Variants in PDE1C observed in about 807,000 individuals in gnomAD.
PDE1C encodes the protein dual specificity calcium/calmodulin-dependent 3',5'-cyclic nucleotide phosphodiesterase 1C.
In PDE1C, 62 loss-of-function variants were observed where a neutral mutation model predicts 93.1. The ratio of observed to expected loss-of-function variants is 0.67; its 90% CI spans 0.54 to 0.82. The LOEUF (loss-of-function observed/expected upper bound fraction) is 0.82. Among genes scored for constraint, PDE1C ranks in the 40% least tolerant of loss-of-function variants. The pLI is 0.00. For synonymous variants in PDE1C, 325 were observed against 310.1 expected (o/e 1.05, Z -0.50); for missense variants, 742 against 884.6 (o/e 0.84, Z 2.04).
At chr7:31,762,566 CT>C (rs1038978816) in intron 17 of PDE1C, among the ~76,000 whole-genome samples, 13 of 152,144 alleles carry the variant, frequency 8.5e-5, no homozygotes, top group African/African-American at 3.1e-4. Flanking sequence ...TCTCGAACTC[CT>C]GACCTCAAGT....
intron 16 of PDE1C, among the ~76,000 whole-genome samples, chr7:31,782,218 A>G (rs1241216192): frequency 6.6e-6 from 1 of 152,232 alleles, no homozygotes; most frequent in African/African-American, 2.4e-5. Context: ...AAGTTAAAAA[A>G]ACACTCACAA....
At chr7:31,974,589 C>G (rs1008794539) in intron 2 of PDE1C, among the ~76,000 whole-genome samples, 1 of 143,272 alleles carries the variant, frequency 7.0e-6, no homozygotes, top group East Asian at 2.4e-4. Context: ...CATACTGGTA[C>G]AAACTGAGTG....
chr7:32,342,835 A>C (rs2128080578), intron 1 of PDE1C, among the ~76,000 whole-genome samples: 1 of 152,298 alleles, frequency 6.6e-6, no homozygotes, highest in South Asian at 2.1e-4. Flanking sequence ...AAAACCCCAA[A>C]GTATTAGCTT....
chr7:31,807,690 G>C (rs751444196), intron 16 of PDE1C, among the ~76,000 whole-genome samples: 1 of 151,938 alleles, frequency 6.6e-6, no homozygotes, highest in Non-Finnish European at 1.5e-5. Context: ...TCTGGGTTCT[G>C]GGTTTGAAGT....
At chr7:31,643,549 G>A in the PDE1C span, 1 of 1,614,028 alleles carries the variant, frequency 6.2e-7, no homozygotes, top group Non-Finnish European at 8.5e-7. Context: ...TGTGGCCTTG[G>A]GGACTGGTCC....
At chr7:32,157,266 C>T (rs971846669) in intron 3 of PDE1C, among the ~76,000 whole-genome samples, 7 of 152,024 alleles carry the variant, frequency 4.6e-5, no homozygotes, top group African/African-American at 1.2e-4. Context: ...TTCTAGTATT[C>T]GATAGTACAA....
the PDE1C span, among the ~76,000 whole-genome samples, chr7:31,628,204 T>C: frequency 1.3e-5 from 2 of 152,206 alleles, no homozygotes; most frequent in Non-Finnish European, 2.9e-5. Context: ...CCATGTTCTT[T>C]CTTCTGCCCT....
intron 1 of PDE1C, among the ~76,000 whole-genome samples, chr7:32,409,894 T>C (rs997742968): frequency 5.3e-5 from 8 of 152,064 alleles, no homozygotes; most frequent in East Asian, 1.9e-4. Context: ...TATTTATATA[T>C]ACACACACAA....
At chr7:32,232,169 C>T (rs1365601829) in intron 1 of PDE1C, among the ~76,000 whole-genome samples, 1 of 152,090 alleles carries the variant, frequency 6.6e-6, no homozygotes, top group East Asian at 1.9e-4. Context: ...TGAAGCACCA[C>T]CAAACTAGTG....
At chr7:31,637,221 G>A in the PDE1C span, among the ~76,000 whole-genome samples, 1 of 152,118 alleles carries the variant, frequency 6.6e-6, no homozygotes, top group Admixed American at 6.5e-5. Context: ...CTTTATAGCA[G>A]CATGATTTAT....
chr7:31,816,774 C>A (rs751398118), intron 14 of PDE1C, among the ~76,000 whole-genome samples: 2 of 152,082 alleles, frequency 1.3e-5, no homozygotes, highest in Non-Finnish European at 2.9e-5. Context: ...GATAATTGAG[C>A]CTTATGAAAA....
chr7:32,289,359 G>A (rs1051918160), intron 1 of PDE1C, among the ~76,000 whole-genome samples: 1 of 152,202 alleles, frequency 6.6e-6, no homozygotes, highest in Non-Finnish European at 1.5e-5. Flanking sequence ...GTGGTGAACC[G>A]TGATCGTACC....
At position 32,255,022 on chromosome 7, in the gene PDE1C, G is replaced by A. The variant is rs140762519; in HGVS notation, c.85+43629C>T. Among the ~76,000 whole-genome samples the A allele has an allele frequency of 3.2e-3, 485 of 152,312 alleles. 1 individual carries two copies. Among genetic ancestry groups the A allele is most frequent in the African/African-American group, 0.011 (459 of 41,560 alleles). On this transcript the variant is annotated intron_variant, in intron 1 of 18. Transcript: ENST00000396193. ...TGCCAAATGCAGCCAGCCTAAGTTA[G>A]ATGAAACATGAACCTTTCCCCATTG...
At chr7:31,710,842 T>G in the PDE1C span, among the ~76,000 whole-genome samples, 1 of 152,230 alleles carries the variant, frequency 6.6e-6, no homozygotes, top group African/African-American at 2.4e-5. Context: ...TATAATATAT[T>G]ATGTCTGCAG....
Position 32,193,012 on chromosome 7 carries a change from C to T in PDE1C, c.136+16477G>A, listed in dbSNP as rs1252313084. Among the ~76,000 whole-genome samples the T allele has an allele frequency of 3.3e-5, 5 of 152,026 alleles. No homozygotes were observed. In the East Asian group the frequency reaches 5.8e-4, roughly 18 times the overall value. On this transcript the variant is annotated intron_variant, in intron 2 of 18. Transcript: ENST00000396193. Reference sequence around the variant, plus strand: ...GTATGTTTATCTTATATACTGTGACCGTGCTAGAACTCATTTATTAGTCTA... The same window carrying T: ...GTATGTTTATCTTATATACTGTGACTGTGCTAGAACTCATTTATTAGTCTA...
chr7:32,227,094 C>T (rs1807339364), intron 1 of PDE1C, among the ~76,000 whole-genome samples: 1 of 152,202 alleles, frequency 6.6e-6, no homozygotes, highest in African/African-American at 2.4e-5. Context: ...AGTCGCACTG[C>T]TCACATGTGC....
chr7:32,398,304 A>AC (rs1443955035), intron 1 of PDE1C, among the ~76,000 whole-genome samples: 1 of 139,998 alleles, frequency 7.1e-6, no homozygotes, highest in Non-Finnish European at 1.5e-5. Flanking sequence ...CTCCGTCTCA[A>AC]AAAAAAAAAA....
intron 7 of PDE1C, among the ~76,000 whole-genome samples, chr7:31,862,734 G>A (rs1794827051): frequency 6.6e-6 from 1 of 152,174 alleles, no homozygotes. Context: ...AGGAATTTGG[G>A]AGAACACAAA....
At chr7:32,066,333 AAT>A (rs1276443307) in intron 1 of PDE1C, among the ~76,000 whole-genome samples, 1 of 152,208 alleles carries the variant, frequency 6.6e-6, no homozygotes, top group Non-Finnish European at 1.5e-5. Flanking sequence ...CTATTAACTT[AAT>A]AGCCATTCTC....
Sources: gnomAD v4.1 joint callset for allele counts (sites outside exome capture counted in the v4.1 genomes callset) on GRCh38, gnomAD v4.1.1 for gene constraint, MANE v1.5 for transcripts, NCBI Gene and HGNC (gene_info 2026-07-23, HGNC 2026-07-21) for gene names.